Variants in EIF4G2 observed in about 807,000 individuals in gnomAD.
EIF4G2 encodes DAP-5.
EIF4G2 carries 8 observed loss-of-function variants against 117.7 expected under a neutral mutation model. The ratio of observed to expected loss-of-function variants is 0.07; its 90% CI spans 0.04 to 0.12. The LOEUF is 0.12. Among genes scored for constraint, EIF4G2 ranks in the 10% least tolerant of loss-of-function variants. The pLI, the probability that EIF4G2 is intolerant of heterozygous loss-of-function variation, is 1.00. For synonymous variants in EIF4G2, 413 were observed against 367.8 expected (o/e 1.12, Z -1.41); for missense variants, 812 against 1,086.2 (o/e 0.75, Z 3.55).
In EIF4G2 at chr11:10,803,546, C is replaced by A. The variant is rs35388213; in HGVS notation, c.747G>T (p.Glu249Asp). The A allele has an allele frequency of 6.2e-7, 1 of 1,614,070 alleles. No individual in the cohort carries two copies. Among genetic ancestry groups the A allele is most frequent in the African/African-American group, 1.3e-5 (1 of 75,048 alleles). Residue 249 changes from glutamate (E) to aspartate (D), a missense_variant, in exon 9 of 22, where the codon GAG (glutamate) becomes GAT (aspartate). Glu to Asp is a conservative substitution (Grantham distance 45, BLOSUM62 2). Transcript: ENST00000339995. The surrounding 1 kb of genome is among the most constrained non-coding windows in gnomAD (Gnocchi z 4.0). The stretch of plus-strand genomic sequence containing the variant: ...TTATCTGACAGAGGCACTCCAAATC[C>A]TCTCCCATATCTTTGAGTTGGACTC...
Position 10,803,423 on chromosome 11 carries a change from C to A in EIF4G2, c.813+57G>T. On this transcript the variant is annotated intron_variant, in intron 9 of 21. Coordinates refer to ENST00000339995, the MANE Select transcript of EIF4G2 (RefSeq NM_001418.4). This position sits in a 1 kb window ranked among gnomAD's most constrained non-coding sequence, Gnocchi z 4.0. ...CAATCCCTTATGATGTCACAAAAAT[C>A]AATAGCTTGATTTAAAGACAAACTA... 1 of 1,577,558 alleles carries A rather than the reference C, an allele frequency of 6.3e-7. No individual in the cohort carries two copies. The highest frequency in any genetic ancestry group is 1.1e-5 in the South Asian group (1 of 89,912).
intron 2 of EIF4G2, 40 bp from the exon 3 acceptor site, chr11:10,806,925 T>C: frequency 1.3e-6 from 2 of 1,559,410 alleles, no homozygotes; most frequent in Non-Finnish European, 1.7e-6. Context: ...ATCCCAACTA[T>C]GTCTCACTCA....
In EIF4G2 at chr11:10,807,325, AAAG is replaced by A; in HGVS notation, c.-33_-31del. 1 of 1,613,828 alleles carries A rather than the reference AAAG, an allele frequency of 6.2e-7. No homozygotes were observed. Among genetic ancestry groups the A allele is most frequent in the Non-Finnish European group, 8.5e-7 (1 of 1,179,934 alleles). On this transcript the variant is annotated 5_prime_UTR_variant, in exon 2 of 22. Transcript: ENST00000339995. ...GCGGCTTGACAACGAAGAATCTTCA[AAAG>A]AATAATATTAATAGATGGGGTGGGG...
At chr11:10,808,263 C>T (rs2135424311) in intron 1 of EIF4G2, 2 of 1,199,176 alleles carry the variant, frequency 1.7e-6, no homozygotes, top group South Asian at 1.4e-5. Flanking sequence ...CTGCCGACTC[C>T]AGGTCCTACA....
At chr11:10,801,471 C>G in intron 14 of EIF4G2, 190 bp downstream of exon 14, 1 of 736,188 alleles carries the variant, frequency 1.4e-6, no homozygotes, top group Non-Finnish European at 2.4e-6. Flanking sequence ...GGAGACTTGC[C>G]CTCATATCTC....
Position 10,804,221 on chromosome 11 carries a change from G to A in EIF4G2, c.484-18C>T. On this transcript the variant is annotated intron_variant, in intron 6 of 21. Transcript: ENST00000339995. ...CTGAATGTCTGGAAAAGAAGACATT[G>A]TCATGCTTTATTAAGGAAATTTTTC... 3 of 1,613,598 alleles carry A rather than the reference G, an allele frequency of 1.9e-6. No individual in the cohort carries two copies. Among genetic ancestry groups the A allele is most frequent in the Non-Finnish European group, 2.5e-6 (3 of 1,179,760 alleles).
chr11:10,807,612 G>T, intron 1 of EIF4G2: 1 of 1,131,360 alleles, frequency 8.8e-7, no homozygotes, highest in Non-Finnish European at 1.1e-6. Context: ...CATTTTAAAC[G>T]GCTCAGAACG....
At chr11:10,799,165 C>G (rs1847348166) in intron 20 of EIF4G2, 48 bp downstream of exon 20, 3 of 1,601,386 alleles carry the variant, frequency 1.9e-6, no homozygotes, top group Non-Finnish European at 2.6e-6. Flanking sequence ...ATTTAGTGTT[C>G]TGTTTAAGAA....
chr11:10,800,011 ACATAAAT>A, intron 18 of EIF4G2, 72 bp downstream of exon 18: 1 of 1,494,048 alleles, frequency 6.7e-7, no homozygotes, highest in Non-Finnish European at 9.1e-7. Context: ...TGTCTGACCT[ACATAAAT>A]CCACTCAAGG....
At chr11:10,808,349 G>GC in intron 1 of EIF4G2, 1 of 1,203,718 alleles carries the variant, frequency 8.3e-7, no homozygotes, top group Non-Finnish European at 1.1e-6. Context: ...GGCCTTCCCT[G>GC]CCGGCCCGCG....
At chr11:10,802,553 T>C (rs1847456465) in intron 11 of EIF4G2, 118 bp from the exon 12 acceptor site, 9 of 1,323,116 alleles carry the variant, frequency 6.8e-6, no homozygotes, top group Non-Finnish European at 9.2e-6. Context: ...ATGTTATTTC[T>C]GTAAATAACT....
chr11:10,808,202 A>T, intron 1 of EIF4G2: 1 of 1,124,440 alleles, frequency 8.9e-7, no homozygotes, highest in South Asian at 1.8e-5. Flanking sequence ...TCTGCTGACA[A>T]AAGGGGCAGA....
chr11:10,806,905 T>A lies in EIF4G2; in HGVS notation c.42-20A>T, dbSNP rs1343816188. ...GAAGCACTATTTAAAAGAAAAAAAT[T>A]GTTTACTGTATCCCAACTATGTCTC... On this transcript the variant is annotated intron_variant, in intron 2 of 21. Transcript: ENST00000339995. 1 of 1,612,160 alleles carries A rather than the reference T, an allele frequency of 6.2e-7. No individual in the cohort carries two copies. Among genetic ancestry groups the A allele is most frequent in the East Asian group, 2.2e-5 (1 of 44,828 alleles).
chr11:10,808,463 C>T, intron 1 of EIF4G2: 1 of 1,258,106 alleles, frequency 7.9e-7, no homozygotes, highest in Non-Finnish European at 1.0e-6. Flanking sequence ...CGTCGGCCAT[C>T]CGGCCATGAC....
chr11:10,804,659 CAAAAGA>C, intron 5 of EIF4G2: 1 of 611,050 alleles, frequency 1.6e-6, no homozygotes, highest in Admixed American at 3.2e-5. Flanking sequence ...GTGTTTTCCA[CAAAAGA>C]AAAAGAACAG....
chr11:10,806,956 T>C (rs2135421447), intron 2 of EIF4G2, 71 bp from the exon 3 acceptor site: 1 of 1,569,982 alleles, frequency 6.4e-7, no homozygotes, highest in East Asian at 2.2e-5. Context: ...GCATCTATTT[T>C]GTGTTTTGCT....
rs1282459395 is a variant in EIF4G2 at position 10,797,471 on chromosome 11, G to A, written c.*345C>T. 1.7e-5 allele frequency: 4 copies of A among 241,898 alleles called. No individual in the cohort carries two copies. Among genetic ancestry groups the A allele is most frequent in the Admixed American group, 1.0e-4 (2 of 19,242 alleles). 15.0% of individuals were successfully genotyped at this position (241,898 alleles called of 1,614,324 possible). On this transcript the variant is annotated 3_prime_UTR_variant, in exon 22 of 22. Coordinates refer to ENST00000339995, the MANE Select transcript of EIF4G2 (RefSeq NM_001418.4). The surrounding 1 kb of genome is among the most constrained non-coding windows in gnomAD (Gnocchi z 4.5). ...GCAAAGTGCATTTCTACAGTATTCAGTGTTGCTATTCAGTTTTCTAACTTA... is the reference window on the plus strand; with the variant it reads ...GCAAAGTGCATTTCTACAGTATTCAATGTTGCTATTCAGTTTTCTAACTTA...
intron 13 of EIF4G2, 84 bp from the exon 14 acceptor site, chr11:10,801,858 C>T: frequency 7.4e-7 from 1 of 1,351,640 alleles, no homozygotes. Flanking sequence ...ATGAGCCAAG[C>T]CATAAAGTTA....
rs1847501876 is a variant in EIF4G2, at chr11:10,804,324, G to A, written c.446C>T (p.Pro149Leu). 5 of 1,614,140 alleles carry A rather than the reference G, an allele frequency of 3.1e-6. No homozygotes were observed. Among genetic ancestry groups the A allele is most frequent in the Non-Finnish European group, 4.2e-6 (5 of 1,180,026 alleles). ...CTGTCCTGGTTGACCCTCTGCTGCTGGGCCATCAAAGTTTGGTGCATCTTC... is the reference window on the plus strand; with the variant it reads ...CTGTCCTGGTTGACCCTCTGCTGCTAGGCCATCAAAGTTTGGTGCATCTTC... Residue 149 changes from proline to leucine, a missense_variant, in exon 6 of 22, where the codon CCA (proline) becomes CTA (leucine). This residue lies in a region of EIF4G2 where 154 missense variants were observed against 322.1 expected (regional missense o/e 0.48). Transcript: ENST00000339995.
Sources: allele counts gnomAD v4.1 joint callset, GRCh38; gene constraint gnomAD v4.1.1; regional missense constraint gnomAD v4.1.1; non-coding constraint Gnocchi (gnomAD v3.1); transcripts MANE v1.5; gene names NCBI Gene and HGNC (gene_info 2026-07-23, HGNC 2026-07-21).